PHACTR1: variants seen among roughly 807,000 people sequenced by gnomAD.
PHACTR1 encodes phosphatase and actin regulator 1, also known as RPEL repeat containing 1.
A neutral mutation model predicts 69.2 loss-of-function variants in PHACTR1; 16 were observed. That is an observed-to-expected ratio of 0.23 (90% CI 0.16 to 0.35). The LOEUF (loss-of-function observed/expected upper bound fraction) is 0.35. Ranked by LOEUF, PHACTR1 falls within the 10% of genes least tolerant of loss-of-function variation. The pLI, the probability that PHACTR1 is intolerant of heterozygous loss-of-function variation, is 1.00. For missense variants in PHACTR1, 510 were observed against 734.7 expected (o/e 0.69, Z 3.54); for synonymous variants, 312 against 284.5 (o/e 1.10, Z -0.97).
intron 5 of PHACTR1, among the ~76,000 whole-genome samples, chr6:13,117,130 T>C (rs1206582989): frequency 1.3e-5 from 2 of 152,190 alleles, no homozygotes; most frequent in East Asian, 3.9e-4. Context: ...TCAGCCACCA[T>C]GTTGTTTCAG....
At chr6:13,112,687 G>A (rs1404829711) in intron 5 of PHACTR1, among the ~76,000 whole-genome samples, 1 of 152,092 alleles carries the variant, frequency 6.6e-6, no homozygotes, top group Non-Finnish European at 1.5e-5. Context: ...TTTTTGAAGT[G>A]TCTTTTCATG....
intron 4 of PHACTR1, among the ~76,000 whole-genome samples, chr6:12,806,714 T>C (rs905153659): frequency 2.6e-5 from 4 of 152,318 alleles, no homozygotes; most frequent in Non-Finnish European, 2.9e-5. Context: ...ACAGTATTAT[T>C]TAGTGAAGCA....
At chr6:12,963,235 C>T (rs560487618) in intron 4 of PHACTR1, among the ~76,000 whole-genome samples, 1 of 152,254 alleles carries the variant, frequency 6.6e-6, no homozygotes, top group East Asian at 1.9e-4. Flanking sequence ...AAAGTAATAA[C>T]AAGAGTAGAG....
At chr6:13,176,658 GAATA>G (rs1361318938) in intron 6 of PHACTR1, among the ~76,000 whole-genome samples, 4 of 151,960 alleles carry the variant, frequency 2.6e-5, no homozygotes, top group South Asian at 2.1e-4. Flanking sequence ...TGAACAACCT[GAATA>G]AATAAATAAA....
chr6:12,934,877 C>T (rs530837359), intron 4 of PHACTR1, among the ~76,000 whole-genome samples: 2 of 152,012 alleles, frequency 1.3e-5, no homozygotes, highest in African/African-American at 4.8e-5. Context: ...GAGCACTTAC[C>T]AGCTAATAAC....
chr6:13,277,937 G>C (rs555626741), intron 11 of PHACTR1: 2 of 184,426 alleles, frequency 1.1e-5, no homozygotes, highest in South Asian at 9.1e-5. Context: ...GAGACAGAAC[G>C]AGACCGTGTC....
At chr6:13,004,668 C>A (rs1798565298) in intron 4 of PHACTR1, among the ~76,000 whole-genome samples, 1 of 152,052 alleles carries the variant, frequency 6.6e-6, no homozygotes, top group African/African-American at 2.4e-5. Flanking sequence ...GGTTTTAAGC[C>A]CCACATGCAT....
At chr6:13,159,941 G>GAA (rs949970072) in intron 5 of PHACTR1, among the ~76,000 whole-genome samples, 1 of 147,200 alleles carries the variant, frequency 6.8e-6, no homozygotes, top group African/African-American at 2.5e-5. Context: ...CTCTGTCTCA[G>GAA]AAAAAAAAAA....
chr6:12,967,471 C>A (rs528776368), intron 4 of PHACTR1, among the ~76,000 whole-genome samples: 1 of 152,296 alleles, frequency 6.6e-6, no homozygotes, highest in African/African-American at 2.4e-5. Context: ...AATCTGAAAC[C>A]CTTCATTTAT....
In PHACTR1 at chr6:13,073,331, A is replaced by ATTTTTTT. The variant is rs10664160; in HGVS notation, c.415+19826_415+19832dup. Among the ~76,000 whole-genome samples, 461 of 65,694 alleles carry ATTTTTTT rather than the reference A, an allele frequency of 7.0e-3. 87 individuals carry two copies. Among genetic ancestry groups the ATTTTTTT allele is most frequent in the African/African-American group, 9.9e-3 (146 of 14,716 alleles). The allele number at this position is 65,694 out of a possible 152,430, so 43.1% of individuals were successfully genotyped here. On this transcript the variant is annotated intron_variant, in intron 5 of 14. Transcript: ENST00000332995. ...ATTCCTTCAACCAATCATTCCATGA[A>ATTTTTTT]TTTTTTTTTTTTTTTTTTTTTTTTT...
At chr6:12,966,345 T>TGTTCA (rs1793494959) in intron 4 of PHACTR1, among the ~76,000 whole-genome samples, 1 of 152,200 alleles carries the variant, frequency 6.6e-6, no homozygotes, top group Non-Finnish European at 1.5e-5. Context: ...ATTATACCCA[T>TGTTCA]GTTACAGATG....
chr6:12,997,807 G>T (rs534724568), intron 4 of PHACTR1, among the ~76,000 whole-genome samples: 3 of 152,212 alleles, frequency 2.0e-5, no homozygotes, highest in East Asian at 3.9e-4. Context: ...AGCAAAATTA[G>T]CCGGGCACGG....
At chr6:13,191,415 G>A (rs1387897410) in intron 7 of PHACTR1, among the ~76,000 whole-genome samples, 1 of 152,186 alleles carries the variant, frequency 6.6e-6, no homozygotes, top group African/African-American at 2.4e-5. Context: ...AAGCCTCAGG[G>A]TGGTCAGGAG....
intron 10 of PHACTR1, among the ~76,000 whole-genome samples, chr6:13,259,974 C>T (rs1245827912): frequency 6.6e-6 from 1 of 152,192 alleles, no homozygotes; most frequent in Non-Finnish European, 1.5e-5. Flanking sequence ...TGCTGTTCAG[C>T]CCTCCCAGCA....
intron 5 of PHACTR1, among the ~76,000 whole-genome samples, chr6:13,088,204 A>T (rs551746007): frequency 7.9e-5 from 12 of 152,290 alleles, no homozygotes; most frequent in Middle Eastern, 3.4e-3. Flanking sequence ...AATATAATAG[A>T]TTTTAAAAAC....
chr6:12,784,500 ATACATATG>A (rs1208020831), intron 4 of PHACTR1, among the ~76,000 whole-genome samples: 2 of 151,546 alleles, frequency 1.3e-5, no homozygotes, highest in Non-Finnish European at 2.9e-5. Flanking sequence ...ACACACATAT[ATACATATG>A]TATCTAGACA....
At chr6:13,177,664 C>T (rs1378862024) in intron 6 of PHACTR1, among the ~76,000 whole-genome samples, 2 of 152,082 alleles carry the variant, frequency 1.3e-5, no homozygotes, top group African/African-American at 4.8e-5. Flanking sequence ...GGGGGTGTCC[C>T]TAAAGCCAAA....
At chr6:12,959,710 A>G (rs955460073) in intron 4 of PHACTR1, among the ~76,000 whole-genome samples, 1 of 152,212 alleles carries the variant, frequency 6.6e-6, no homozygotes, top group African/African-American at 2.4e-5. Context: ...GATGACCTCC[A>G]GGTACTACAA....
intron 5 of PHACTR1, among the ~76,000 whole-genome samples, chr6:13,121,780 A>C (rs1317355833): frequency 1.3e-5 from 2 of 152,188 alleles, no homozygotes; most frequent in Non-Finnish European, 2.9e-5. Context: ...GGCCTCGCCC[A>C]GGGCTGCAGC....
Sources: gnomAD v4.1 joint callset for allele counts (sites outside exome capture counted in the v4.1 genomes callset) on GRCh38, gnomAD v4.1.1 for gene constraint, MANE v1.5 for transcripts, NCBI Gene and HGNC (gene_info 2026-07-23, HGNC 2026-07-21) for gene names.